The following MAD1L1 variants were observed in gnomAD, a reference collection of about 807,000 sequenced individuals.
The protein encoded by MAD1L1 is mitotic arrest deficient 1 like 1.
MAD1L1 carries 95 observed loss-of-function variants against 96.9 expected under a neutral mutation model. The observed-to-expected ratio is 0.98, with a 90% CI of 0.83 to 1.16. The LOEUF (loss-of-function observed/expected upper bound fraction) is 1.16. Among genes scored for constraint, MAD1L1 ranks in the 50% most tolerant of loss-of-function variants. MAD1L1 has a pLI of 0.00. For missense variants in MAD1L1, 1,007 were observed against 954.4 expected, an observed-to-expected ratio of 1.06 and a Z score of -0.73; for synonymous variants, 473 against 396.6, an observed-to-expected ratio of 1.19 and a Z score of -2.29.
intron 12 of MAD1L1, among the ~76,000 whole-genome samples, chr7:2,049,344 G>A (rs1030878012): frequency 2.0e-5 from 3 of 152,220 alleles, no homozygotes; most frequent in South Asian, 4.1e-4. Flanking sequence ...CCGGTGCCCC[G>A]CCCAGGGTCA....
intron 12 of MAD1L1, among the ~76,000 whole-genome samples, chr7:2,039,667 G>A (rs181771205): frequency 1.3e-5 from 2 of 152,216 alleles, no homozygotes; most frequent in Admixed American, 1.3e-4. Context: ...AAAAAGGTCT[G>A]TCTATATCTT....
chr7:1,986,462 C>T (rs562433755), intron 14 of MAD1L1, among the ~76,000 whole-genome samples: 7 of 152,192 alleles, frequency 4.6e-5, no homozygotes, highest in South Asian at 4.2e-4. Flanking sequence ...CAAGGGCTCA[C>T]GCCGGCAAGG....
At chr7:1,870,542 G>A (rs1240499255) in intron 18 of MAD1L1, among the ~76,000 whole-genome samples, 2 of 58,096 alleles carry the variant, frequency 3.4e-5, no homozygotes, top group African/African-American at 7.6e-5. Context: ...ACGCTGAACC[G>A]ACCATAACAC....
chr7:2,153,751 T>C (rs1789691928), intron 10 of MAD1L1, among the ~76,000 whole-genome samples: 1 of 152,220 alleles, frequency 6.6e-6, no homozygotes, highest in South Asian at 2.1e-4. Context: ...CATTCCCATG[T>C]TTATCACAGC....
At chr7:1,992,956 A>G (rs1468637848) in intron 14 of MAD1L1, among the ~76,000 whole-genome samples, 3 of 152,266 alleles carry the variant, frequency 2.0e-5, no homozygotes, top group African/African-American at 7.2e-5. Context: ...AGACACGACA[A>G]GTTTAAATCA....
At chr7:1,856,012 C>A (rs1048572954) in intron 18 of MAD1L1, among the ~76,000 whole-genome samples, 3 of 152,178 alleles carry the variant, frequency 2.0e-5, no homozygotes, top group African/African-American at 7.2e-5. Context: ...CCTCGCGGTG[C>A]GCTCACGTGG....
intron 10 of MAD1L1, among the ~76,000 whole-genome samples, chr7:2,188,608 C>T (rs946754483): frequency 6.6e-6 from 1 of 152,156 alleles, no homozygotes; most frequent in African/African-American, 2.4e-5. Flanking sequence ...CTTTTCAACA[C>T]ATGGTGCTGG....
Position 1,998,586 on chromosome 7 carries a change from C to G in MAD1L1, c.1416+3479G>C, listed in dbSNP as rs148832158. 1.8e-3 allele frequency among the ~76,000 whole-genome samples: 270 copies of G among 152,268 alleles called. 2 individuals are homozygous for G. Among genetic ancestry groups the G allele is most frequent in the African/African-American group, 6.1e-3 (253 of 41,556 alleles). ...CAGGGCATCTTCAGATGGGAGCATC[C>G]CTCCACCCACCCCAGGCTGTTCCAG... On this transcript the variant is annotated intron_variant, in intron 14 of 18. Transcript: ENST00000265854.
intron 10 of MAD1L1, among the ~76,000 whole-genome samples, chr7:2,207,457 T>G (rs964430979): frequency 2.0e-5 from 3 of 151,778 alleles, no homozygotes; most frequent in Non-Finnish European, 4.4e-5. Flanking sequence ...GAAGGGTGAG[T>G]TGATTTCCAA....
intron 18 of MAD1L1, among the ~76,000 whole-genome samples, chr7:1,854,678 C>T (rs932277905): frequency 8.5e-5 from 13 of 152,268 alleles, no homozygotes; most frequent in East Asian, 3.9e-4. Context: ...ACACAAACCT[C>T]GGTCCCCAGC....
chr7:2,092,995 T>C (rs547034750), intron 11 of MAD1L1, among the ~76,000 whole-genome samples: 24 of 151,618 alleles, frequency 1.6e-4, no homozygotes, highest in Non-Finnish European at 3.2e-4. Flanking sequence ...CCCAGTACTT[T>C]GGGAGGCTGA....
intron 15 of MAD1L1, among the ~76,000 whole-genome samples, chr7:1,971,226 T>A (rs1436607147): frequency 6.6e-6 from 1 of 152,214 alleles, no homozygotes; most frequent in Non-Finnish European, 1.5e-5. Context: ...CTCACTGCAA[T>A]CATGGCCACC....
intron 11 of MAD1L1, among the ~76,000 whole-genome samples, chr7:2,085,643 C>T (rs1785878932): frequency 6.6e-6 from 1 of 152,224 alleles, no homozygotes; most frequent in African/African-American, 2.4e-5. Context: ...GTCCCTGCTG[C>T]AGCATACATC....
chr7:1,848,118 G>A, intron 18 of MAD1L1: 1 of 248,120 alleles, frequency 4.0e-6, no homozygotes, highest in Non-Finnish European at 8.0e-6. Flanking sequence ...CACAGACCTA[G>A]TGTCGCTCTC....
intron 14 of MAD1L1, among the ~76,000 whole-genome samples, chr7:1,996,086 AG>A (rs1172391230): frequency 5.3e-5 from 8 of 152,176 alleles, no homozygotes; most frequent in African/African-American, 1.7e-4. Flanking sequence ...CAGTGAAGAT[AG>A]AGGCACCAGC....
At chr7:2,054,728 C>T (rs551525492) in intron 12 of MAD1L1, among the ~76,000 whole-genome samples, 23 of 152,322 alleles carry the variant, frequency 1.5e-4, no homozygotes, top group African/African-American at 5.5e-4. Context: ...CCCTGGAAGC[C>T]GGGCTGGCCA....
intron 18 of MAD1L1, among the ~76,000 whole-genome samples, chr7:1,832,648 T>G (rs930214770): frequency 0.16 from 498 of 3,168 alleles, no homozygotes; most frequent in Non-Finnish European, 0.19. Flanking sequence ...GGGGGGGGGG[T>G]GGGGATGGAG....
chr7:2,154,310 G>A (rs1319236559), intron 10 of MAD1L1, among the ~76,000 whole-genome samples: 2 of 152,242 alleles, frequency 1.3e-5, no homozygotes, highest in Non-Finnish European at 2.9e-5. Flanking sequence ...AGAGTAGAAT[G>A]ACAGGAACTA....
chr7:2,052,428 G>A (rs919053346), intron 12 of MAD1L1, among the ~76,000 whole-genome samples: 1 of 149,868 alleles, frequency 6.7e-6, no homozygotes, highest in African/African-American at 2.5e-5. Context: ...GCTCACTAGG[G>A]CCCAGGCACA....
Sources: allele counts gnomAD v4.1 joint callset (sites outside exome capture counted in the v4.1 genomes callset), GRCh38; gene constraint gnomAD v4.1.1; transcripts MANE v1.5; gene names NCBI Gene and HGNC (gene_info 2026-07-23, HGNC 2026-07-21).